Variants in VAMP1 observed in about 807,000 individuals in gnomAD.
VAMP1 encodes vesicle associated membrane protein 1.
VAMP1 carries 16 observed loss-of-function variants against 19.1 expected under a neutral mutation model. That is an observed-to-expected ratio of 0.84 (90% CI 0.57 to 1.27). The LOEUF is 1.27. Among genes scored for constraint, VAMP1 ranks in the 50% most tolerant of loss-of-function variants. The pLI, the probability that VAMP1 is intolerant of heterozygous loss-of-function variation, is 0.00. For missense variants in VAMP1, 109 were observed against 145.4 expected (o/e 0.75, Z 1.29); for synonymous variants, 37 against 50.2 (o/e 0.74, Z 1.11).
At position 6,465,912 on chromosome 12, in the gene VAMP1, T is replaced by C; in HGVS notation, c.218A>G (p.Gln73Arg). The change falls in exon 3 of 5, where the codon CAG becomes CGG. Residue 73 changes from glutamine to arginine, a missense_variant. Physicochemically the swap from Gln to Arg is conservative, Grantham distance 43 (BLOSUM62 1). Coordinates refer to ENST00000396308, the MANE Select transcript of VAMP1 (RefSeq NM_014231.5). ...SELDDRADAL[Q>R]AGASQFESSA... ...GCTCTCAAATTGTGATGCTCCTGCCTGCAAGGCATCAGCTCGGTCATCCAG... is the reference window on the plus strand; with the variant it reads ...GCTCTCAAATTGTGATGCTCCTGCCCGCAAGGCATCAGCTCGGTCATCCAG... 1 of 1,614,272 alleles carries C rather than the reference T, an allele frequency of 6.2e-7. No individual in the cohort carries two copies. Among genetic ancestry groups the C allele is most frequent in the African/African-American group, 1.3e-5 (1 of 75,066 alleles).
At chr12:6,465,404 GTATATATATGTA>G (rs1443515969) in intron 3 of VAMP1, 5 of 61,394 alleles carry the variant, frequency 8.1e-5, no homozygotes, top group African/African-American at 1.4e-4. Flanking sequence ...ATATATAAAT[GTATATATATGTA>G]TATATATATA....
chr12:6,470,464 A>C (rs1945745000), intron 1 of VAMP1, 66 bp downstream of exon 1: 1 of 1,610,080 alleles, frequency 6.2e-7, no homozygotes, highest in African/African-American at 1.3e-5. Context: ...TCCGTCCCGC[A>C]GAATCGGGAG....
Position 6,464,489 on chromosome 12 carries a change from G to A in VAMP1, c.341-3C>T. The A allele has an allele frequency of 6.6e-7, 1 of 1,520,568 alleles. No individual in the cohort carries two copies. The highest frequency in any genetic ancestry group is 8.8e-7 in the Non-Finnish European group (1 of 1,133,312). The allele number at this position is 1,520,568 out of a possible 1,614,324, so 94.2% of individuals were successfully genotyped here. On this transcript the variant is annotated splice_region_variant and splice_polypyrimidine_tract_variant and intron_variant, in intron 4 of 4. Transcript: ENST00000396308. ...ACATTCTCAAGTAAAAAAGTAGACT[G>A]GACACAGGAATCAGGAAGTCCCAGA...
chr12:6,465,693 G>A (rs569818755), intron 3 of VAMP1, 149 bp downstream of exon 3: 95 of 1,137,638 alleles, frequency 8.4e-5, no homozygotes, highest in Non-Finnish European at 1.1e-4. Flanking sequence ...GCAATCTCAA[G>A]AGGAGGCTTT....
chr12:6,464,743 C>T, intron 4 of VAMP1, 147 bp downstream of exon 4: 1 of 1,520,250 alleles, frequency 6.6e-7, no homozygotes, highest in Non-Finnish European at 8.8e-7. Flanking sequence ...TGCCCTTCCC[C>T]CGTCCCGAAC....
Position 6,466,220 on chromosome 12 carries a change from C to T in VAMP1, c.129+5G>A. 1.2e-6 allele frequency: 2 copies of T among 1,614,170 alleles called. No homozygotes were observed. The highest frequency in any genetic ancestry group is 1.7e-6 in the Non-Finnish European group (2 of 1,180,034). Reference sequence around the variant, plus strand: ...AAACTTTCAGAGAAACAGCTATCTACCTACCTCCTCCACTTGTGCCTGGGT... The same window carrying T: ...AAACTTTCAGAGAAACAGCTATCTATCTACCTCCTCCACTTGTGCCTGGGT... On this transcript the variant is annotated splice_donor_5th_base_variant and intron_variant, in intron 2 of 4. Coordinates refer to ENST00000396308, the MANE Select transcript of VAMP1 (RefSeq NM_014231.5).
chr12:6,463,119 G>A lies in VAMP1; in HGVS notation c.*1351C>T. ...AATTGCCCCGAAGATAGGCTGAGCAGATCCCATCCTCAGGTTCCACTGTCT... is the reference window on the plus strand; with the variant it reads ...AATTGCCCCGAAGATAGGCTGAGCAAATCCCATCCTCAGGTTCCACTGTCT... On this transcript the variant is annotated 3_prime_UTR_variant, in exon 5 of 5. Transcript: ENST00000396308. The surrounding 1 kb of genome is among the most constrained non-coding windows in gnomAD (Gnocchi z 4.0). 6.7e-7 allele frequency: 1 copy of A among 1,497,478 alleles called. No individual in the cohort carries two copies. The highest frequency in any genetic ancestry group is 2.5e-5 in the East Asian group (1 of 40,542). The allele number at this position is 1,497,478 out of a possible 1,614,324, so 92.8% of individuals were successfully genotyped here.
chr12:6,466,319 G>A lies in VAMP1; in HGVS notation c.35C>T (p.Thr12Ile), dbSNP rs745367763. Residue 12 changes from threonine to isoleucine, a missense_variant, in exon 2 of 5, where the codon ACA (threonine) becomes ATA (isoleucine). Physicochemically the swap from Thr to Ile is moderately conservative, Grantham distance 89. Transcript: ENST00000396308. ...SAPAQPPAEG[T>I]EGTAPGGGPP... ...ACCCCCACCTGGGGCAGTCCCTTCT[G>A]TCCCTTCAGCAGGTGGCTGAGCTGG... 6.2e-7 allele frequency: 1 copy of A among 1,614,092 alleles called. No individual in the cohort carries two copies. Among genetic ancestry groups the A allele is most frequent in the Non-Finnish European group, 8.5e-7 (1 of 1,179,978 alleles).
At position 6,463,551 on chromosome 12, in the gene VAMP1, C is replaced by T; in HGVS notation, c.*919G>A. ...TTTAACGAGGGCAAGGAGTGGCTTCCTCTGAGCTTGTTACTTTCAAATTAA... is the reference window on the plus strand; with the variant it reads ...TTTAACGAGGGCAAGGAGTGGCTTCTTCTGAGCTTGTTACTTTCAAATTAA... On this transcript the variant is annotated 3_prime_UTR_variant, in exon 5 of 5. Transcript: ENST00000396308. The surrounding 1 kb of genome is among the most constrained non-coding windows in gnomAD (Gnocchi z 4.0). 1 of 1,055,320 alleles carries T rather than the reference C, an allele frequency of 9.5e-7. No homozygotes were observed. Among genetic ancestry groups the T allele is most frequent in the Non-Finnish European group, 1.1e-6 (1 of 871,292 alleles). 65.4% of individuals were successfully genotyped at this position (1,055,320 alleles called of 1,614,324 possible).
chr12:6,470,288 G>A (rs1945738354), intron 1 of VAMP1, among the ~76,000 whole-genome samples: 1 of 152,072 alleles, frequency 6.6e-6, no homozygotes, highest in Admixed American at 6.5e-5. Context: ...GAGAGGAGAG[G>A]GTGCAATGAT....
chr12:6,465,002 T>G, intron 3 of VAMP1, 61 bp from the exon 4 acceptor site: 1 of 1,604,398 alleles, frequency 6.2e-7, no homozygotes, highest in Non-Finnish European at 8.5e-7. Context: ...AAGAGCCACA[T>G]CTCTAGTGGG....
intron 2 of VAMP1, 66 bp from the exon 3 acceptor site, chr12:6,466,066 A>G (rs1045138726): frequency 6.2e-7 from 1 of 1,612,176 alleles, no homozygotes; most frequent in African/African-American, 1.3e-5. Flanking sequence ...GACAACAACC[A>G]GAGAATCACA....
At position 6,462,637 on chromosome 12, in the gene VAMP1, A is replaced by G; in HGVS notation, c.*1833T>C. On this transcript the variant is annotated 3_prime_UTR_variant, in exon 5 of 5. Transcript: ENST00000396308. ...ACCTGGTGAGCCTCAGAGGGACAGA[A>G]ACCCAGGAATGATTCCTGTGATAGG... 1.5e-6 allele frequency: 1 copy of G among 668,818 alleles called. No homozygotes were observed. Among genetic ancestry groups the G allele is most frequent in the Non-Finnish European group, 2.5e-6 (1 of 394,980 alleles). The allele number at this position is 668,818 out of a possible 1,614,324, so 41.4% of individuals were successfully genotyped here.
At chr12:6,465,637 C>A (rs1312890466) in intron 3 of VAMP1, among the ~76,000 whole-genome samples, 1 of 151,690 alleles carries the variant, frequency 6.6e-6, no homozygotes, top group Non-Finnish European at 1.5e-5. Flanking sequence ...TCCCTGATAG[C>A]GGTTCTAAAT....
At position 6,463,390 on chromosome 12, in the gene VAMP1, G is replaced by C; in HGVS notation, c.*1080C>G. 1 of 1,070,948 alleles carries C rather than the reference G, an allele frequency of 9.3e-7. No homozygotes were observed. Among genetic ancestry groups the C allele is most frequent in the Non-Finnish European group, 1.1e-6 (1 of 880,690 alleles). The allele number at this position is 1,070,948 out of a possible 1,614,324, so 66.3% of individuals were successfully genotyped here. ...CTGAGGATCGGCCGGGCCCCAGGAA[G>C]AACCACTTGCCTCATCCCTGTCTTT... is the stretch of plus-strand genomic sequence containing the variant. On this transcript the variant is annotated 3_prime_UTR_variant, in exon 5 of 5. Transcript: ENST00000396308. The surrounding 1 kb of genome is among the most constrained non-coding windows in gnomAD (Gnocchi z 4.0).
rs958943163 is a variant in VAMP1 at position 6,470,461 on chromosome 12, C to G, written c.2+69G>C. 5.0e-6 allele frequency: 8 copies of G among 1,610,160 alleles called. No individual in the cohort carries two copies. In the South Asian group the frequency reaches 5.5e-5, roughly 11 times the overall value. On this transcript the variant is annotated intron_variant, in intron 1 of 4. Coordinates refer to ENST00000396308, the MANE Select transcript of VAMP1 (RefSeq NM_014231.5). Reference sequence around the variant, plus strand: ...TGCTGCATTGCGCCATTTTCCGTCCCGCAGAATCGGGAGCTTGGGGCGAGA... The same window carrying G: ...TGCTGCATTGCGCCATTTTCCGTCCGGCAGAATCGGGAGCTTGGGGCGAGA...
rs1347637205 is a variant in VAMP1, at chr12:6,462,863, T to G, written c.*1607A>C. The G allele has an allele frequency of 1.2e-6, 2 of 1,605,234 alleles. No homozygotes were observed. The highest frequency in any genetic ancestry group is 1.7e-6 in the Non-Finnish European group (2 of 1,175,728). ...CCGCCCTTGGGCAGGACGAAGGGAA[T>G]GTGGGAAACAAGGGCGAAAGGAAAG... On this transcript the variant is annotated 3_prime_UTR_variant, in exon 5 of 5. Coordinates refer to ENST00000396308, the MANE Select transcript of VAMP1 (RefSeq NM_014231.5).
intron 1 of VAMP1, 145 bp from the exon 2 acceptor site, chr12:6,466,496 A>G: frequency 2.6e-6 from 2 of 783,208 alleles, no homozygotes; most frequent in South Asian, 3.9e-5. Flanking sequence ...CAGCCTGGGC[A>G]TCATAGCGAG....
chr12:6,463,110 G>A lies in VAMP1; in HGVS notation c.*1360C>T, dbSNP rs866729262. The A allele has an allele frequency of 1.8e-5, 27 of 1,509,138 alleles. No individual in the cohort carries two copies. Among genetic ancestry groups the A allele is most frequent in the Middle Eastern group, 2.3e-4 (1 of 4,308 alleles). The allele number at this position is 1,509,138 out of a possible 1,614,324, so 93.5% of individuals were successfully genotyped here. On this transcript the variant is annotated 3_prime_UTR_variant, in exon 5 of 5. Coordinates refer to ENST00000396308, the MANE Select transcript of VAMP1 (RefSeq NM_014231.5). The surrounding 1 kb of genome is among the most constrained non-coding windows in gnomAD (Gnocchi z 4.0). ...AAGCTCAGCAATTGCCCCGAAGATAGGCTGAGCAGATCCCATCCTCAGGTT... is the reference window on the plus strand; with the variant it reads ...AAGCTCAGCAATTGCCCCGAAGATAAGCTGAGCAGATCCCATCCTCAGGTT...
Sources: gnomAD v4.1 joint callset for allele counts (sites outside exome capture counted in the v4.1 genomes callset) on GRCh38, gnomAD v4.1.1 for gene constraint, Gnocchi (gnomAD v3.1) non-coding constraint, MANE v1.5 for transcripts, NCBI Gene and HGNC (gene_info 2026-07-23, HGNC 2026-07-21) for gene names.